The following TTC27 variants were observed in gnomAD, a reference collection of about 807,000 sequenced individuals.
TTC27 encodes tetratricopeptide repeat domain 27.
TTC27 carries 79 observed loss-of-function variants against 115.9 expected under a neutral mutation model. The ratio of observed to expected loss-of-function variants is 0.68; its 90% confidence interval spans 0.57 to 0.82. The LOEUF (loss-of-function observed/expected upper bound fraction) is 0.82. TTC27 is among the 40% of genes least tolerant of loss of function. The probability of loss-of-function intolerance (pLI) is 0.00; values close to 1 mark genes in which losing one functional copy is unlikely to be tolerated. For missense variants in TTC27, 1,054 were observed against 993.1 expected (o/e 1.06, Z -0.82); for synonymous variants, 401 against 356.0 (o/e 1.13, Z -1.42).
At chr2:32,708,588 G>A (rs535154963) in intron 10 of TTC27, among the ~76,000 whole-genome samples, 1 of 152,066 alleles carries the variant, frequency 6.6e-6, no homozygotes, top group Non-Finnish European at 1.5e-5. Flanking sequence ...GATTACAGGT[G>A]TGAGCCACTG....
intron 16 of TTC27, among the ~76,000 whole-genome samples, chr2:32,801,929 A>G (rs1670956648): frequency 6.6e-6 from 1 of 152,210 alleles, no homozygotes; most frequent in Admixed American, 6.5e-5. Flanking sequence ...CAATATTGGG[A>G]GATAAGACTG....
intron 9 of TTC27, among the ~76,000 whole-genome samples, chr2:32,701,848 T>C (rs575558215): frequency 4.0e-5 from 6 of 151,524 alleles, no homozygotes; most frequent in Non-Finnish European, 8.8e-5. Flanking sequence ...CTACAAAAAA[T>C]AAAATAAAAT....
chr2:32,732,785 A>C (rs1668332014), intron 10 of TTC27, among the ~76,000 whole-genome samples: 2 of 152,318 alleles, frequency 1.3e-5, no homozygotes, highest in African/African-American at 4.8e-5. Context: ...CAGTATGCAT[A>C]ATAACATCAG....
chr2:32,777,411 C>A (rs1451414494), intron 13 of TTC27, among the ~76,000 whole-genome samples: 2 of 152,226 alleles, frequency 1.3e-5, no homozygotes, highest in African/African-American at 4.8e-5. Flanking sequence ...TTATGTACAT[C>A]CTCCTATATA....
intron 10 of TTC27, among the ~76,000 whole-genome samples, chr2:32,718,644 T>C (rs1437465917): frequency 1.3e-5 from 2 of 152,150 alleles, no homozygotes; most frequent in Non-Finnish European, 2.9e-5. Context: ...CCAAAGCTGA[T>C]TGTGTTGATA....
intron 13 of TTC27, among the ~76,000 whole-genome samples, chr2:32,762,655 A>T (rs113913075): frequency 6.6e-6 from 1 of 151,144 alleles, no homozygotes; most frequent in Non-Finnish European, 1.5e-5. Context: ...GTTTTTTGAG[A>T]TGGAGTCTCG....
At chr2:32,718,586 G>A (rs1413628278) in intron 10 of TTC27, among the ~76,000 whole-genome samples, 2 of 151,884 alleles carry the variant, frequency 1.3e-5, no homozygotes, top group Non-Finnish European at 2.9e-5. Context: ...GTTCCTCTTG[G>A]CCTTTCTTTT....
At position 32,811,256 on chromosome 2, in the gene TTC27, C is replaced by T. The variant is rs768866737; in HGVS notation, c.2196+35C>T. The stretch of plus-strand genomic sequence containing the variant: ...TCATTCCTCCTGAGTCCTTGCCTTT[C>T]GTTTGAACATGTTGTAGTAGATCTA... On this transcript the variant is annotated intron_variant, in intron 17 of 19. Transcript: ENST00000317907. 7.6e-6 allele frequency: 12 copies of T among 1,583,354 alleles called. No individual in the cohort carries two copies. The South Asian group carries it at 9.1e-5, about 12-fold the overall frequency.
At position 32,640,471 on chromosome 2, in the gene TTC27, G is replaced by T; in HGVS notation, c.537+61G>T. The T allele has an allele frequency of 4.0e-6, 6 of 1,497,010 alleles. No individual in the cohort carries two copies. In the South Asian group the frequency reaches 4.9e-5, roughly 12 times the overall value. 92.7% of individuals were successfully genotyped at this position (1,497,010 alleles called of 1,614,324 possible). On this transcript the variant is annotated intron_variant, in intron 4 of 19. Coordinates refer to ENST00000317907, the MANE Select transcript of TTC27 (RefSeq NM_017735.5). ...TGACTTTTGTGCTTATTAACACCAG[G>T]CTGTAGATGTGTTGCTGACAATGTC... is the stretch of plus-strand genomic sequence containing the variant.
At chr2:32,732,615 T>A (rs921455920) in intron 10 of TTC27, among the ~76,000 whole-genome samples, 3 of 152,160 alleles carry the variant, frequency 2.0e-5, no homozygotes, top group Admixed American at 6.5e-5. Context: ...ATTTTCCATT[T>A]AAAAAATTAA....
At chr2:32,729,211 C>T (rs34557851) in intron 10 of TTC27, among the ~76,000 whole-genome samples, 4,934 of 152,280 alleles carry the variant, frequency 0.032, 121 homozygotes, top group East Asian at 0.097. Flanking sequence ...CTTTTGAAAA[C>T]GTGTGCCATA....
chr2:32,690,026 C>T (rs1309169958), intron 9 of TTC27, among the ~76,000 whole-genome samples: 2 of 152,060 alleles, frequency 1.3e-5, no homozygotes, highest in Non-Finnish European at 2.9e-5. Flanking sequence ...GAAGGATATA[C>T]AGTAAGCCCT....
At chr2:32,731,308 T>C (rs6543674) in intron 10 of TTC27, among the ~76,000 whole-genome samples, 152,232 of 152,234 alleles carry the variant, frequency 1, 76,115 homozygotes, top group Middle Eastern at 1. Context: ...AGGCTGGTTT[T>C]GAATTCCTGA....
chr2:32,644,282 G>A (rs1291064826), intron 4 of TTC27, among the ~76,000 whole-genome samples: 1 of 151,410 alleles, frequency 6.6e-6, no homozygotes, highest in Admixed American at 6.6e-5. Context: ...AACATGGAAG[G>A]TGGAGGTTGC....
chr2:32,736,589 A>T, intron 11 of TTC27, 105 bp from the exon 12 acceptor site: 1 of 1,202,258 alleles, frequency 8.3e-7, no homozygotes, highest in Non-Finnish European at 1.2e-6. Context: ...TACATTTATT[A>T]CAATAAGCAG....
rs759789049 is a variant in TTC27 at position 32,672,361 on chromosome 2, G to A, written c.1029G>A (p.Glu343=). 35 of 1,613,240 alleles carry A rather than the reference G, an allele frequency of 2.2e-5. No individual in the cohort carries two copies. The highest frequency in any genetic ancestry group is 2.7e-5 in the Non-Finnish European group (32 of 1,179,550). The change falls in exon 8 of 20, where the codon GAG becomes GAA. Residue 343 remains glutamate, a synonymous_variant. Transcript: ENST00000317907. The part of the protein sequence containing the change: ...QFQMPDLCAE[E]IAIILGICTN... ...AGATGCCGGATCTGTGTGCTGAAGA[G>A]ATCGCTATTATTCTTGGAATCTGGT...
chr2:32,737,085 G>T (rs574622496), intron 12 of TTC27, among the ~76,000 whole-genome samples: 3 of 152,096 alleles, frequency 2.0e-5, no homozygotes, highest in African/African-American at 7.2e-5. Context: ...ACTTCAAAGC[G>T]AAATATTTGG....
chr2:32,763,047 T>C (rs1453655889), intron 13 of TTC27, among the ~76,000 whole-genome samples: 1 of 152,188 alleles, frequency 6.6e-6, no homozygotes, highest in Non-Finnish European at 1.5e-5. Flanking sequence ...GGCTTGCTGG[T>C]CTCATTATAT....
chr2:32,740,831 T>C (rs1668608960), intron 12 of TTC27, among the ~76,000 whole-genome samples: 1 of 152,134 alleles, frequency 6.6e-6, no homozygotes. Context: ...ATTTTTGTAT[T>C]TTTAGTAGAG....
Sources: allele counts gnomAD v4.1 joint callset (sites outside exome capture counted in the v4.1 genomes callset), GRCh38; gene constraint gnomAD v4.1.1; transcripts MANE v1.5; gene names NCBI Gene and HGNC (gene_info 2026-07-23, HGNC 2026-07-21).